Variants in LRRC7 observed in about 807,000 individuals in gnomAD.
LRRC7 encodes the protein leucine-rich repeat-containing protein 7.
A neutral mutation model predicts 175.7 loss-of-function variants in LRRC7; 23 were observed. That is an observed-to-expected ratio of 0.13 (90% CI 0.09 to 0.19). The LOEUF (loss-of-function observed/expected upper bound fraction) is 0.19, where lower values mean the gene tolerates loss of function less well. Ranked by LOEUF, LRRC7 falls within the 10% of genes least tolerant of loss-of-function variation. LRRC7 has a pLI of 1.00. For synonymous variants in LRRC7, 685 were observed against 680.9 expected (o/e 1.01, Z -0.09); for missense variants, 1,354 against 1,904.7 (o/e 0.71, Z 5.38).
chr1:70,041,599 C>T (rs909476768), intron 21 of LRRC7, among the ~76,000 whole-genome samples: 1 of 152,144 alleles, frequency 6.6e-6, no homozygotes, highest in Non-Finnish European at 1.5e-5. Flanking sequence ...ACTCTGGCCT[C>T]GTGTAGACAC....
chr1:69,625,615 A>C (rs900418149), intron 1 of LRRC7, among the ~76,000 whole-genome samples: 3 of 152,092 alleles, frequency 2.0e-5, no homozygotes, highest in Admixed American at 2.0e-4. Context: ...TATAGCTATA[A>C]ACACCTCACA....
chr1:69,993,205 A>G (rs188205319), intron 10 of LRRC7, among the ~76,000 whole-genome samples: 330 of 152,260 alleles, frequency 2.2e-3, no homozygotes, highest in African/African-American at 7.5e-3. Flanking sequence ...TCAAACTTCA[A>G]TGATAAATTG....
intron 8 of LRRC7, among the ~76,000 whole-genome samples, chr1:69,947,789 A>G (rs184467002): frequency 5.7e-4 from 87 of 152,210 alleles, no homozygotes; most frequent in Non-Finnish European, 1.8e-4. Context: ...TTTTTTTTAC[A>G]TATACATACC....
chr1:70,030,395 T>A (rs1000102492), intron 18 of LRRC7, among the ~76,000 whole-genome samples: 2 of 152,186 alleles, frequency 1.3e-5, no homozygotes, highest in Non-Finnish European at 2.9e-5. Context: ...TTATCTAAAA[T>A]TGAGATTCTA....
intron 5 of LRRC7, among the ~76,000 whole-genome samples, chr1:69,831,633 C>A (rs1680537859): frequency 6.6e-6 from 1 of 152,092 alleles, no homozygotes; most frequent in South Asian, 2.1e-4. Flanking sequence ...CACTTGCCTC[C>A]CTTCTCTTTC....
At chr1:70,003,636 A>C (rs1275231151) in intron 11 of LRRC7, among the ~76,000 whole-genome samples, 3 of 152,220 alleles carry the variant, frequency 2.0e-5, no homozygotes, top group Non-Finnish European at 4.4e-5. Flanking sequence ...TTAAAGCACA[A>C]AACCACTAAT....
intron 18 of LRRC7, 45 bp downstream of exon 18, chr1:70,028,416 T>G: frequency 6.4e-7 from 1 of 1,555,234 alleles, no homozygotes; most frequent in Non-Finnish European, 8.8e-7. Context: ...TTGGATTTTT[T>G]GGAATTTTAA....
chr1:69,891,680 C>T (rs898241085), intron 7 of LRRC7, among the ~76,000 whole-genome samples: 1 of 151,694 alleles, frequency 6.6e-6, no homozygotes, highest in East Asian at 1.9e-4. Flanking sequence ...TGCAGTGAGC[C>T]GAGATCATGA....
intron 3 of LRRC7, among the ~76,000 whole-genome samples, chr1:69,765,248 G>GAAAAGTTAATTGA (rs1671497650): frequency 1.3e-5 from 2 of 152,062 alleles, no homozygotes; most frequent in Non-Finnish European, 2.9e-5. Context: ...CTTTCCTTAG[G>GAAAAGTTAATTGA]CCACATGGCA....
chr1:69,839,792 A>G (rs957388359), intron 7 of LRRC7, among the ~76,000 whole-genome samples: 5 of 152,090 alleles, frequency 3.3e-5, no homozygotes, highest in African/African-American at 7.2e-5. Flanking sequence ...TTTCAAATAT[A>G]TATCTTTAAA....
At chr1:69,905,876 A>C (rs1454729072) in intron 7 of LRRC7, among the ~76,000 whole-genome samples, 1 of 152,216 alleles carries the variant, frequency 6.6e-6, no homozygotes, top group African/African-American at 2.4e-5. Context: ...TCCCACCAAC[A>C]GTGTAAAAGT....
At chr1:69,983,984 G>A (rs897155707) in intron 9 of LRRC7, among the ~76,000 whole-genome samples, 4 of 151,928 alleles carry the variant, frequency 2.6e-5, no homozygotes, top group Non-Finnish European at 5.9e-5. Flanking sequence ...GGAGTTCAGT[G>A]GCATGATCTC....
chr1:69,764,020 A>G (rs1305965565), intron 3 of LRRC7, among the ~76,000 whole-genome samples: 2 of 152,030 alleles, frequency 1.3e-5, no homozygotes, highest in African/African-American at 4.8e-5. Context: ...TCAAGGTAAA[A>G]GGCATTAGGG....
intron 23 of LRRC7, among the ~76,000 whole-genome samples, chr1:70,063,850 A>T (rs1661766417): frequency 6.6e-6 from 1 of 151,992 alleles, no homozygotes; most frequent in East Asian, 1.9e-4. Context: ...TAATTTCCTA[A>T]ATCCATAGCT....
intron 7 of LRRC7, among the ~76,000 whole-genome samples, chr1:69,846,094 A>G (rs1682332430): frequency 6.6e-6 from 1 of 152,122 alleles, no homozygotes; most frequent in Admixed American, 6.6e-5. Flanking sequence ...TTCAATTCAA[A>G]TGAAATAAGT....
At chr1:69,822,761 A>G (rs762980215) in intron 4 of LRRC7, among the ~76,000 whole-genome samples, 16 of 152,208 alleles carry the variant, frequency 1.1e-4, no homozygotes, top group Admixed American at 3.3e-4. Flanking sequence ...TCTCCGTACT[A>G]TCTTCAATGA....
intron 7 of LRRC7, among the ~76,000 whole-genome samples, chr1:69,878,907 ATATATT>A (rs1356684025): frequency 2.0e-5 from 3 of 148,370 alleles, no homozygotes; most frequent in African/African-American, 7.4e-5. Flanking sequence ...GTATATATAC[ATATATT>A]TATATATATG....
chr1:69,928,432 C>T (rs1031074129), intron 7 of LRRC7, among the ~76,000 whole-genome samples: 18 of 152,210 alleles, frequency 1.2e-4, no homozygotes, highest in African/African-American at 3.4e-4. Context: ...GAGGCAGGCA[C>T]GCCTCCTTGA....
At chr1:69,887,065 T>C (rs1645656461) in intron 7 of LRRC7, among the ~76,000 whole-genome samples, 1 of 148,902 alleles carries the variant, frequency 6.7e-6, no homozygotes, top group African/African-American at 2.5e-5. Context: ...TTCCTACATT[T>C]CAACTTTGGT....
Sources: allele counts gnomAD v4.1 joint callset (sites outside exome capture counted in the v4.1 genomes callset), GRCh38; gene constraint gnomAD v4.1.1; transcripts MANE v1.5; gene names NCBI Gene and HGNC (gene_info 2026-07-23, HGNC 2026-07-21).